The following LHX9 variants were observed in gnomAD, a reference collection of about 807,000 sequenced individuals.
LHX9 encodes the protein LIM/homeobox protein Lhx9.
Under a neutral mutation model 36.5 loss-of-function variants are expected in LHX9, and 9 were observed. That is an observed-to-expected ratio of 0.25 (90% CI 0.15 to 0.43). The LOEUF (loss-of-function observed/expected upper bound fraction) is 0.43, where lower values mean the gene tolerates loss of function less well. LHX9 is among the 20% of genes least tolerant of loss of function. The probability of loss-of-function intolerance (pLI) is 1.00; values close to 1 mark genes in which losing one functional copy is unlikely to be tolerated. For synonymous variants in LHX9, 211 were observed against 212.1 expected, an observed-to-expected ratio of 0.99 and a Z score of 0.04; for missense variants, 464 against 526.4, an observed-to-expected ratio of 0.88 and a Z score of 1.16.
chr1:197,918,000 A>G lies in LHX9; in HGVS notation c.174+3A>G. 1 of 1,610,650 alleles carries G rather than the reference A, an allele frequency of 6.2e-7. No individual in the cohort carries two copies. Among genetic ancestry groups the G allele is most frequent in the East Asian group, 2.2e-5 (1 of 44,848 alleles). ...CCCAGCTCAACGGCCGCGACGCGGT[A>G]AGGAAGGGCTCCGCCGCGGCGGTAG... On this transcript the variant is annotated splice_donor_region_variant and intron_variant, in intron 1 of 4. Transcript: ENST00000367387.
chr1:197,928,869 A>G (rs1660227845), intron 4 of LHX9, 133 bp from the exon 5 acceptor site: 1 of 1,066,484 alleles, frequency 9.4e-7, no homozygotes, highest in Admixed American at 3.7e-5. Flanking sequence ...ACAAACAATG[A>G]TATTTAAAAG....
upstream of LHX9, chr1:197,915,887 C>T (rs79935349): frequency 6.6e-6 from 1 of 152,296 alleles, no homozygotes; most frequent in African/African-American, 2.4e-5. Flanking sequence ...TCCCTCTCTC[C>T]CTGGCTTTTC....
At chr1:197,922,780 C>T (rs964506739) in intron 3 of LHX9, among the ~76,000 whole-genome samples, 34 of 152,288 alleles carry the variant, frequency 2.2e-4, no homozygotes, top group African/African-American at 7.9e-4. Context: ...TTATGGCAAC[C>T]CCACTCTATT....
upstream of LHX9, chr1:197,916,408 T>C: frequency 2.0e-6 from 1 of 495,388 alleles, no homozygotes; most frequent in Non-Finnish European, 3.6e-6. Flanking sequence ...CCTGCCAGGG[T>C]AGTGGGAGAA....
At position 197,917,726 on chromosome 1, in the gene LHX9, CCCTCCAT is replaced by C. The variant is rs1571397878; in HGVS notation, c.-93_-87del. 4.4e-6 allele frequency: 7 copies of C among 1,594,702 alleles called. No homozygotes were observed. In the East Asian group the frequency reaches 1.6e-4, roughly 36 times the overall value. On this transcript the variant is annotated 5_prime_UTR_variant, in exon 1 of 5. Coordinates refer to ENST00000367387, the MANE Select transcript of LHX9 (RefSeq NM_020204.3). ...CTTCTCCTCCTTTCTCTCCCTCTTT[CCCTCCAT>C]CCTCGAGCGTCTCTGCGCTCCTACA...
rs752652822 is a variant in LHX9, at chr1:197,919,978, C to T, written c.181C>T (p.Pro61Ser). ...CGGTGTGCTTTCTTTGCAGGGCATGCCCCCGCTCAGCCCGGAGAAGCCCGC... is the reference window on the plus strand; with the variant it reads ...CGGTGTGCTTTCTTTGCAGGGCATGTCCCCGCTCAGCCCGGAGAAGCCCGC... ...AQLNGRDAGM[P>S]PLSPEKPALC... Residue 61 changes from proline to serine, a missense_variant, in exon 2 of 5, where the codon CCC becomes TCC. Physicochemically the swap from Pro to Ser is moderately conservative, Grantham distance 74. Transcript: ENST00000367387. 6.2e-6 allele frequency: 10 copies of T among 1,613,978 alleles called. No individual in the cohort carries two copies. The highest frequency in any genetic ancestry group is 5.0e-5 in the Admixed American group (3 of 60,030).
Position 197,917,871 on chromosome 1 carries a change from C to A in LHX9, c.48C>A (p.Arg16=), listed in dbSNP as rs148027167. The change falls in exon 1 of 5, where the codon CGC becomes CGA. Residue 16 remains arginine, a synonymous_variant. Transcript: ENST00000367387. ...CRAEDNSCPF[R]PPAMLFHGIS... is the part of the protein sequence containing the mutation. ...CAGAAGACAACTCGTGTCCTTTCCGCCCCCCAGCCATGCTCTTTCACGGGA... is the reference window on the plus strand; with the variant it reads ...CAGAAGACAACTCGTGTCCTTTCCGACCCCCAGCCATGCTCTTTCACGGGA... 9 of 1,614,186 alleles carry A rather than the reference C, an allele frequency of 5.6e-6. No homozygotes were observed. Among genetic ancestry groups the A allele is most frequent in the Middle Eastern group, 1.6e-4 (1 of 6,062 alleles).
At position 197,929,343 on chromosome 1, in the gene LHX9, A is replaced by AC; in HGVS notation, c.*85dup. On this transcript the variant is annotated 3_prime_UTR_variant, in exon 5 of 5. Transcript: ENST00000367387. ...TTATTATTATTTTATTATTTACAAG[A>AC]CTTTTTTTTTCTTCTAACCCACAAG... The AC allele has an allele frequency of 2.0e-5, 24 of 1,188,040 alleles. No individual in the cohort carries two copies. The highest frequency in any genetic ancestry group is 2.5e-5 in the Non-Finnish European group (24 of 953,768). The allele number at this position is 1,188,040 out of a possible 1,614,324, so 73.6% of individuals were successfully genotyped here. A position where few individuals can be genotyped will look rare whatever the true frequency, so the allele number is the denominator to read the frequency against.
At chr1:197,919,560 C>T (rs1203015377) in intron 1 of LHX9, among the ~76,000 whole-genome samples, 1 of 152,208 alleles carries the variant, frequency 6.6e-6, no homozygotes, top group Non-Finnish European at 1.5e-5. Flanking sequence ...TAAAAATAAC[C>T]TGTGCTCGTT....
intron 3 of LHX9, among the ~76,000 whole-genome samples, chr1:197,922,665 C>T (rs1430175840): frequency 1.3e-5 from 2 of 152,156 alleles, no homozygotes; most frequent in African/African-American, 2.4e-5. Context: ...GCCTAAGGAC[C>T]TTAACTGCTT....
rs1228071304 is a variant in LHX9, at chr1:197,929,607, G to C, written c.*348G>C. The C allele has an allele frequency of 2.2e-6, 2 of 920,950 alleles. No homozygotes were observed. Among genetic ancestry groups the C allele is most frequent in the Admixed American group, 6.2e-5 (1 of 16,194 alleles). 57.0% of individuals were successfully genotyped at this position (920,950 alleles called of 1,614,324 possible). On this transcript the variant is annotated 3_prime_UTR_variant, in exon 5 of 5. Transcript: ENST00000367387. ...CTCGAAGAAAAAAGAAAAAAGAGTG[G>C]TATTATTATGGGCAAATAATCATAT...
intron 4 of LHX9, 71 bp downstream of exon 4, chr1:197,927,864 T>C: frequency 7.6e-7 from 1 of 1,310,158 alleles, no homozygotes; most frequent in South Asian, 1.2e-5. Flanking sequence ...TGCTCTTCCC[T>C]GGTTAGAGTG....
At chr1:197,927,047 T>C (rs1392244464) in intron 3 of LHX9, among the ~76,000 whole-genome samples, 1 of 152,216 alleles carries the variant, frequency 6.6e-6, no homozygotes, top group Non-Finnish European at 1.5e-5. Flanking sequence ...ACCCTTAGAA[T>C]TGACCTAGAT....
chr1:197,917,488 G>A lies in LHX9; in HGVS notation c.-336G>A. ...CTATTTTCTTTCTTCACCAGATTTTGTTTTCCTCCCCCCGCTGCAGTTGTT... is the reference window on the plus strand; with the variant it reads ...CTATTTTCTTTCTTCACCAGATTTTATTTTCCTCCCCCCGCTGCAGTTGTT... On this transcript the variant is annotated 5_prime_UTR_variant, in exon 1 of 5. Coordinates refer to ENST00000367387, the MANE Select transcript of LHX9 (RefSeq NM_020204.3). 1 of 1,372,956 alleles carries A rather than the reference G, an allele frequency of 7.3e-7. No individual in the cohort carries two copies. Among genetic ancestry groups the A allele is most frequent in the South Asian group, 1.2e-5 (1 of 81,596 alleles). The allele number at this position is 1,372,956 out of a possible 1,614,324, so 85.0% of individuals were successfully genotyped here.
In LHX9 at chr1:197,930,196, C is replaced by A; in HGVS notation, c.*937C>A. Reference sequence around the variant, plus strand: ...AGCTGTACCATGATATTGTATCTGGCATTCTATATGAATAATGTTTAAAAT... The same window carrying A: ...AGCTGTACCATGATATTGTATCTGGAATTCTATATGAATAATGTTTAAAAT... On this transcript the variant is annotated 3_prime_UTR_variant, in exon 5 of 5. Coordinates refer to ENST00000367387, the MANE Select transcript of LHX9 (RefSeq NM_020204.3). The A allele has an allele frequency of 2.8e-6, 1 of 351,064 alleles. No individual in the cohort carries two copies. The highest frequency in any genetic ancestry group is 4.0e-6 in the Non-Finnish European group (1 of 250,504). The allele number at this position is 351,064 out of a possible 1,614,324, so 21.7% of individuals were successfully genotyped here. A position where few individuals can be genotyped will look rare whatever the true frequency, so the allele number is the denominator to read the frequency against.
Position 197,921,250 on chromosome 1 carries a change from G to A in LHX9, c.378-54G>A. The A allele has an allele frequency of 6.7e-7, 1 of 1,500,944 alleles. No homozygotes were observed. Among genetic ancestry groups the A allele is most frequent in the South Asian group, 1.2e-5 (1 of 80,198 alleles). The allele number at this position is 1,500,944 out of a possible 1,614,324, so 93.0% of individuals were successfully genotyped here. The stretch of plus-strand genomic sequence containing the variant: ...GACCAAACCCAGGTGTCGCGGGTGG[G>A]ATATGGCTCTGCCTTGCTTCAACTA... On this transcript the variant is annotated intron_variant, in intron 2 of 4. Transcript: ENST00000367387. This position sits in a 1 kb window ranked among gnomAD's most constrained non-coding sequence, Gnocchi z 4.6.
At chr1:197,927,964 G>T (rs1470623828) in intron 4 of LHX9, among the ~76,000 whole-genome samples, 171 bp downstream of exon 4, 1 of 152,156 alleles carries the variant, frequency 6.6e-6, no homozygotes, top group Non-Finnish European at 1.5e-5. Context: ...CTTCCTGGAG[G>T]GTTCCCAAAC....
At chr1:197,926,225 G>A (rs984186224) in intron 3 of LHX9, among the ~76,000 whole-genome samples, 1 of 152,180 alleles carries the variant, frequency 6.6e-6, no homozygotes, top group African/African-American at 2.4e-5. Context: ...GTATTAAGCA[G>A]AACATTTTAT....
Position 197,934,548 on chromosome 1 carries a change from C to T in LHX9, c.*5289C>T, listed in dbSNP as rs974622714. 1 of 152,156 alleles carries T rather than the reference C, an allele frequency of 6.6e-6. No homozygotes were observed. Among genetic ancestry groups the T allele is most frequent in the Non-Finnish European group, 1.5e-5 (1 of 68,024 alleles). 9.4% of individuals were successfully genotyped at this position (152,156 alleles called of 1,614,324 possible). On this transcript the variant is annotated 3_prime_UTR_variant, in exon 5 of 5. Coordinates refer to ENST00000367387, the MANE Select transcript of LHX9 (RefSeq NM_020204.3). ...TCTTGAGCTCATTCAATAGCTTTTA[C>T]ATTTTGTAGTCTCTTCCACAACAGG...
Sources: gnomAD v4.1 joint callset for allele counts (sites outside exome capture counted in the v4.1 genomes callset) on GRCh38, gnomAD v4.1.1 for gene constraint, Gnocchi (gnomAD v3.1) non-coding constraint, MANE v1.5 for transcripts, NCBI Gene and HGNC (gene_info 2026-07-23, HGNC 2026-07-21) for gene names.